The following GAB2 variants were observed in gnomAD, a reference collection of about 807,000 sequenced individuals.
The protein encoded by GAB2 is GRB2 associated binding protein 2, also known as GRB2-associated-binding protein 2.
A neutral mutation model predicts 65.5 loss-of-function variants in GAB2; 26 were observed. The observed-to-expected ratio is 0.40, with a 90% confidence interval of 0.29 to 0.55. The LOEUF (loss-of-function observed/expected upper bound fraction) is 0.55. Ranked by LOEUF, GAB2 falls within the 20% of genes least tolerant of loss-of-function variation. The probability of loss-of-function intolerance (pLI) is 0.53; values close to 1 mark genes in which losing one functional copy is unlikely to be tolerated. For missense variants in GAB2, 884 were observed against 875.8 expected, an observed-to-expected ratio of 1.01 and a Z score of -0.12; for synonymous variants, 321 against 329.6, an observed-to-expected ratio of 0.97 and a Z score of 0.28.
intron 1 of GAB2, among the ~76,000 whole-genome samples, chr11:78,382,084 T>C (rs1467144185): frequency 1.3e-5 from 2 of 152,168 alleles, no homozygotes; most frequent in Non-Finnish European, 2.9e-5. Flanking sequence ...CTAGTCCAAG[T>C]TTTACTGATC....
intron 1 of GAB2, among the ~76,000 whole-genome samples, chr11:78,323,925 G>A (rs574756713): frequency 6.7e-6 from 1 of 149,302 alleles, no homozygotes. Context: ...AGCCTCCCGA[G>A]TAGCTGAGAC....
intron 3 of GAB2, among the ~76,000 whole-genome samples, chr11:78,235,694 C>T (rs1197700177): frequency 1.3e-5 from 2 of 152,200 alleles, no homozygotes; most frequent in Non-Finnish European, 2.9e-5. Flanking sequence ...CACCTTTGCT[C>T]CAGTTGCCAA....
At chr11:78,400,831 G>C (rs571071745) in intron 1 of GAB2, among the ~76,000 whole-genome samples, 1 of 145,518 alleles carries the variant, frequency 6.9e-6, no homozygotes, top group Admixed American at 7.1e-5. Flanking sequence ...TTACGCCTAG[G>C]AGGCGGAGAC....
chr11:78,294,379 G>A (rs970146974), intron 1 of GAB2, among the ~76,000 whole-genome samples: 2 of 152,138 alleles, frequency 1.3e-5, no homozygotes, highest in African/African-American at 4.8e-5. Flanking sequence ...TAAACATACA[G>A]GTGCATGTGT....
intron 1 of GAB2, among the ~76,000 whole-genome samples, chr11:78,346,417 C>T (rs1591055109): frequency 6.6e-6 from 1 of 151,940 alleles, no homozygotes; most frequent in East Asian, 1.9e-4. Context: ...GAGTAACAAA[C>T]CCATAAAGTA....
At chr11:78,403,715 A>G (rs758707001) in intron 1 of GAB2, among the ~76,000 whole-genome samples, 1 of 152,244 alleles carries the variant, frequency 6.6e-6, no homozygotes, top group Non-Finnish European at 1.5e-5. Flanking sequence ...AGCACAAGCA[A>G]CCAAAGCAAA....
chr11:78,222,359 T>C (rs1864470257), intron 6 of GAB2, among the ~76,000 whole-genome samples, 164 bp from the exon 7 acceptor site: 1 of 152,178 alleles, frequency 6.6e-6, no homozygotes, highest in African/African-American at 2.4e-5. Flanking sequence ...TTGCCCATAT[T>C]GATGAGCCTT....
chr11:78,393,505 A>C (rs1856859087), intron 1 of GAB2, among the ~76,000 whole-genome samples: 2 of 152,204 alleles, frequency 1.3e-5, no homozygotes, highest in Admixed American at 6.5e-5. Flanking sequence ...AAAAAATTAA[A>C]ATGTCTAATA....
intron 1 of GAB2, among the ~76,000 whole-genome samples, chr11:78,339,639 T>C (rs942965564): frequency 6.6e-6 from 1 of 152,200 alleles, no homozygotes; most frequent in Non-Finnish European, 1.5e-5. Context: ...GGCCATTACA[T>C]AGGAGGATTA....
At chr11:78,415,534 T>C (rs1857184531) in intron 1 of GAB2, among the ~76,000 whole-genome samples, 1 of 152,130 alleles carries the variant, frequency 6.6e-6, no homozygotes. Context: ...CCAGTTTCAG[T>C]TAGGGGGAAA....
chr11:78,221,856 G>T, intron 7 of GAB2, 77 bp from the exon 8 acceptor site: 1 of 982,142 alleles, frequency 1.0e-6, no homozygotes, highest in Non-Finnish European at 1.6e-6. Context: ...GCTGGGCCCT[G>T]ACCCTCACAC....
At chr11:78,284,838 C>T (rs1241158950) in intron 1 of GAB2, among the ~76,000 whole-genome samples, 1 of 151,936 alleles carries the variant, frequency 6.6e-6, no homozygotes, top group Non-Finnish European at 1.5e-5. Flanking sequence ...ATGATGCATC[C>T]TTGGTGTTTA....
In GAB2 at chr11:78,216,211, T is replaced by G. The variant is rs531846835; in HGVS notation, c.*3061A>C. On this transcript the variant is annotated 3_prime_UTR_variant, in exon 10 of 10. Coordinates refer to ENST00000361507, the MANE Select transcript of GAB2 (RefSeq NM_080491.3). ...ACACCATCTCCCTATTTCTCATCGTTCTCACTTGACTTAACCTTGCAGAAG... is the reference window on the plus strand; with the variant it reads ...ACACCATCTCCCTATTTCTCATCGTGCTCACTTGACTTAACCTTGCAGAAG... 134 of 152,536 alleles carry G rather than the reference T, an allele frequency of 8.8e-4. No homozygotes were observed. The highest frequency in any genetic ancestry group is 3.2e-3 in the African/African-American group (132 of 41,570). The allele number at this position is 152,536 out of a possible 1,614,324, so 9.4% of individuals were successfully genotyped here.
At chr11:78,255,787 T>C (rs1005448237) in intron 2 of GAB2, among the ~76,000 whole-genome samples, 2 of 152,270 alleles carry the variant, frequency 1.3e-5, no homozygotes, top group South Asian at 4.1e-4. Flanking sequence ...CTGCTGTGAT[T>C]CATGGCTTCA....
At chr11:78,361,532 T>A (rs552381041) in intron 1 of GAB2, among the ~76,000 whole-genome samples, 64 of 152,154 alleles carry the variant, frequency 4.2e-4, no homozygotes, top group African/African-American at 1.5e-3. Context: ...ATCTCCTACA[T>A]AAAGAGCTCC....
chr11:78,318,953 C>T (rs1184074750), intron 1 of GAB2, among the ~76,000 whole-genome samples: 1 of 152,160 alleles, frequency 6.6e-6, no homozygotes, highest in Non-Finnish European at 1.5e-5. Flanking sequence ...TTCTTTTCAT[C>T]CCTTCTCACA....
At chr11:78,310,703 G>A (rs1237595626) in intron 1 of GAB2, among the ~76,000 whole-genome samples, 1 of 152,076 alleles carries the variant, frequency 6.6e-6, no homozygotes, top group Admixed American at 6.5e-5. Flanking sequence ...TCACCAAGGC[G>A]AACCGCAGCC....
intron 9 of GAB2, 136 bp downstream of exon 9, chr11:78,220,183 C>T: frequency 1.2e-6 from 1 of 823,794 alleles, no homozygotes; most frequent in East Asian, 2.5e-5. Flanking sequence ...ACTAAAGATG[C>T]ATCATAAAAG....
chr11:78,257,350 G>C (rs1342588135), intron 2 of GAB2, among the ~76,000 whole-genome samples: 2 of 152,140 alleles, frequency 1.3e-5, no homozygotes, highest in African/African-American at 4.8e-5. Flanking sequence ...TCAAGCCTCA[G>C]TGGGTCTCAG....
Sources: gnomAD v4.1 joint callset for allele counts (sites outside exome capture counted in the v4.1 genomes callset) on GRCh38, gnomAD v4.1.1 for gene constraint, MANE v1.5 for transcripts, NCBI Gene and HGNC (gene_info 2026-07-23, HGNC 2026-07-21) for gene names.